GNAQ: variants seen among roughly 807,000 people sequenced by gnomAD.
GNAQ encodes the protein guanine nucleotide-binding protein G(q) subunit alpha.
In GNAQ, 8 loss-of-function variants were observed where a neutral mutation model predicts 43.9. The ratio of observed to expected loss-of-function variants is 0.18; its 90% CI spans 0.11 to 0.33. The LOEUF (loss-of-function observed/expected upper bound fraction) is 0.33, where lower values mean the gene tolerates loss of function less well. GNAQ is among the 10% of genes least tolerant of loss of function. GNAQ has a pLI of 1.00. For synonymous variants in GNAQ, 155 were observed against 170.7 expected (o/e 0.91, Z 0.71); for missense variants, 158 against 450.8 (o/e 0.35, Z 5.88).
intron 2 of GNAQ, among the ~76,000 whole-genome samples, chr9:77,855,151 T>C (rs1410294387): frequency 5.9e-5 from 9 of 152,152 alleles, no homozygotes; most frequent in Admixed American, 3.9e-4. Flanking sequence ...GATGACATCA[T>C]AGTGAATAAA....
At chr9:78,026,173 T>C (rs77803297) in intron 1 of GNAQ, among the ~76,000 whole-genome samples, 214 of 152,338 alleles carry the variant, frequency 1.4e-3, no homozygotes, top group African/African-American at 4.9e-3. Context: ...TGTGAATAGA[T>C]AAACCTGCAA....
At chr9:77,888,806 C>A (rs1002613280) in intron 2 of GNAQ, among the ~76,000 whole-genome samples, 26 of 152,008 alleles carry the variant, frequency 1.7e-4, no homozygotes, top group Admixed American at 8.5e-4. Flanking sequence ...GGATTATTCA[C>A]TAACAATTAG....
rs139723524 is a variant in GNAQ at position 77,846,280 on chromosome 9, A to T, written c.322-30510T>A. ...AGGGCCCTCAATTCCACAAGGTAAC[A>T]GCTGGCTGCAGCCAAGCTGTGGCTG... On this transcript the variant is annotated intron_variant, in intron 2 of 6. Transcript: ENST00000286548. Among the ~76,000 whole-genome samples, 428 of 152,350 alleles carry T rather than the reference A, an allele frequency of 2.8e-3. 1 individual carries two copies. The highest frequency in any genetic ancestry group is 9.7e-3 in the African/African-American group (402 of 41,586).
chr9:77,941,898 CAACA>C (rs1829319190), intron 1 of GNAQ, among the ~76,000 whole-genome samples: 2 of 128,714 alleles, frequency 1.6e-5, no homozygotes, highest in Non-Finnish European at 3.2e-5. Flanking sequence ...CACTTACATA[CAACA>C]TACATACACA....
At chr9:77,938,560 C>T (rs1457434672) in intron 1 of GNAQ, among the ~76,000 whole-genome samples, 1 of 152,116 alleles carries the variant, frequency 6.6e-6, no homozygotes, top group African/African-American at 2.4e-5. Context: ...TGAAAATGGG[C>T]AAGAAGGAAG....
chr9:77,949,883 A>G (rs1822954878), intron 1 of GNAQ, among the ~76,000 whole-genome samples: 1 of 152,166 alleles, frequency 6.6e-6, no homozygotes, highest in African/African-American at 2.4e-5. Context: ...AATTTCCTGC[A>G]ATCTGGTTTT....
intron 1 of GNAQ, among the ~76,000 whole-genome samples, chr9:77,933,481 C>T (rs1333326166): frequency 1.3e-5 from 2 of 152,032 alleles, no homozygotes; most frequent in African/African-American, 4.8e-5. Context: ...CCCATCTCTA[C>T]TAAAAATACA....
At position 77,725,445 on chromosome 9, in the gene GNAQ, T is replaced by A. The variant is rs112235063; in HGVS notation, c.889+3069A>T. On this transcript the variant is annotated intron_variant, in intron 6 of 6. Coordinates refer to ENST00000286548, the MANE Select transcript of GNAQ (RefSeq NM_002072.5). ...GGGCCTCAATTTTTTCAGTGTTTGC[T>A]CATCTTACAAGGGCTTGGAGTTTCA... Among the ~76,000 whole-genome samples, 1,326 of 152,252 alleles carry A rather than the reference T, an allele frequency of 8.7e-3. 15 individuals carry two copies. The highest frequency in any genetic ancestry group is 0.013 in the Non-Finnish European group (888 of 68,014).
At chr9:77,729,254 A>G (rs956946532) in intron 5 of GNAQ, among the ~76,000 whole-genome samples, 9 of 152,192 alleles carry the variant, frequency 5.9e-5, no homozygotes, top group African/African-American at 2.2e-4. Context: ...TCATGAGTGC[A>G]TGCTTTCTCC....
chr9:77,927,189 G>A (rs1487227203), intron 1 of GNAQ, among the ~76,000 whole-genome samples: 2 of 152,100 alleles, frequency 1.3e-5, no homozygotes, highest in Non-Finnish European at 2.9e-5. Flanking sequence ...CTATGTGTCT[G>A]ATTCACATAA....
At chr9:77,973,356 C>T (rs939696734) in intron 1 of GNAQ, among the ~76,000 whole-genome samples, 3 of 152,196 alleles carry the variant, frequency 2.0e-5, no homozygotes, top group East Asian at 1.9e-4. Context: ...TTACACGCAG[C>T]TGGTGTATGC....
chr9:78,003,577 G>A lies in GNAQ; in HGVS notation c.136+27523C>T, dbSNP rs144227784. On this transcript the variant is annotated intron_variant, in intron 1 of 6. Coordinates refer to ENST00000286548, the MANE Select transcript of GNAQ (RefSeq NM_002072.5). ...CACCTGTAATCCCAGCATTTTGGGAGGCCGAGGCGGGCAGATCATTTGAGA... is the reference window on the plus strand; with the variant it reads ...CACCTGTAATCCCAGCATTTTGGGAAGCCGAGGCGGGCAGATCATTTGAGA... 4.7e-3 allele frequency among the ~76,000 whole-genome samples: 718 copies of A among 152,250 alleles called. 1 individual carries two copies. The highest frequency in any genetic ancestry group is 7.2e-3 in the Non-Finnish European group (487 of 68,022).
chr9:77,941,714 A>G (rs1222592231), intron 1 of GNAQ, among the ~76,000 whole-genome samples: 1 of 152,208 alleles, frequency 6.6e-6, no homozygotes, highest in Admixed American at 6.5e-5. Context: ...ACATTCAACG[A>G]TAAGGAATGG....
At chr9:77,760,373 G>C (rs1197530387) in intron 5 of GNAQ, among the ~76,000 whole-genome samples, 2 of 152,104 alleles carry the variant, frequency 1.3e-5, no homozygotes, top group Non-Finnish European at 2.9e-5. Context: ...CGCCTGACTG[G>C]TTTTCGTATT....
chr9:77,958,370 GAA>G (rs952184971), intron 1 of GNAQ, among the ~76,000 whole-genome samples: 1 of 145,468 alleles, frequency 6.9e-6, no homozygotes, highest in African/African-American at 2.5e-5. Context: ...GACCAGAAAA[GAA>G]AAAAAAAAGG....
At chr9:77,963,027 T>C (rs1443360968) in intron 1 of GNAQ, among the ~76,000 whole-genome samples, 1 of 151,792 alleles carries the variant, frequency 6.6e-6, no homozygotes, top group Non-Finnish European at 1.5e-5. Flanking sequence ...TTTGAGGCAC[T>C]AAGAATAAGA....
intron 5 of GNAQ, among the ~76,000 whole-genome samples, chr9:77,787,987 T>C (rs570095791): frequency 6.6e-6 from 1 of 152,220 alleles, no homozygotes; most frequent in Non-Finnish European, 1.5e-5. Flanking sequence ...GACAAGATCA[T>C]GCCACCGCAC....
chr9:77,918,282 A>G (rs2118258191), intron 2 of GNAQ, among the ~76,000 whole-genome samples: 1 of 152,344 alleles, frequency 6.6e-6, no homozygotes, highest in South Asian at 2.1e-4. Flanking sequence ...TTATGCTACT[A>G]TAGATTATGG....
At chr9:77,953,920 T>C (rs1823012073) in intron 1 of GNAQ, among the ~76,000 whole-genome samples, 1 of 152,208 alleles carries the variant, frequency 6.6e-6, no homozygotes, top group African/African-American at 2.4e-5. Flanking sequence ...AACACTGTTA[T>C]CTTCCTTCAT....
Sources: gnomAD v4.1 joint callset for allele counts (sites outside exome capture counted in the v4.1 genomes callset) on GRCh38, gnomAD v4.1.1 for gene constraint, MANE v1.5 for transcripts, NCBI Gene and HGNC (gene_info 2026-07-23, HGNC 2026-07-21) for gene names.